The following NFIA variants were observed in gnomAD, a reference collection of about 807,000 sequenced individuals.
The protein encoded by NFIA is nuclear factor I A.
In NFIA, 8 loss-of-function variants were observed where a neutral mutation model predicts 62.8. The ratio of observed to expected loss-of-function variants is 0.13; its 90% confidence interval spans 0.07 to 0.23. The LOEUF is 0.23. NFIA is among the 10% of genes least tolerant of loss of function. The probability of loss-of-function intolerance (pLI) is 1.00; values close to 1 mark genes in which losing one functional copy is unlikely to be tolerated. For missense variants in NFIA, 410 were observed against 642.1 expected, an observed-to-expected ratio of 0.64 and a Z score of 3.91; for synonymous variants, 235 against 238.1, an observed-to-expected ratio of 0.99 and a Z score of 0.12.
At chr1:61,447,586 A>G (rs1202252043) in intron 10 of NFIA, among the ~76,000 whole-genome samples, 2 of 152,174 alleles carry the variant, frequency 1.3e-5, no homozygotes, top group Admixed American at 1.3e-4. Flanking sequence ...CATCATGACC[A>G]AATAGATAGG....
At chr1:61,241,203 T>C (rs778243766) in intron 2 of NFIA, among the ~76,000 whole-genome samples, 19 of 152,118 alleles carry the variant, frequency 1.2e-4, no homozygotes, top group Non-Finnish European at 2.5e-4. Context: ...TGCTTGGGAA[T>C]GTGTTGATGT....
chr1:61,393,391 C>A (rs1418042324), intron 7 of NFIA, among the ~76,000 whole-genome samples: 1 of 131,864 alleles, frequency 7.6e-6, no homozygotes, highest in Non-Finnish European at 1.6e-5. Context: ...GGCTAAATAT[C>A]CTCAGACTGT....
chr1:61,116,066 C>T (rs1427518519), intron 2 of NFIA, among the ~76,000 whole-genome samples: 3 of 148,854 alleles, frequency 2.0e-5, no homozygotes, highest in African/African-American at 5.0e-5. Context: ...TTTTCCTCCC[C>T]TGGGAGAGTT....
chr1:61,270,363 T>TACCATTTCATTCTCTTTTC (rs1657431898), intron 2 of NFIA, among the ~76,000 whole-genome samples: 1 of 152,050 alleles, frequency 6.6e-6, no homozygotes, highest in South Asian at 2.1e-4. Flanking sequence ...ACCATCTTTT[T>TACCATTTCATTCTCTTTTC]ACCATTTCAT....
intron 4 of NFIA, among the ~76,000 whole-genome samples, chr1:61,348,390 TA>T (rs1486373260): frequency 6.6e-6 from 1 of 152,254 alleles, no homozygotes; most frequent in Non-Finnish European, 1.5e-5. Flanking sequence ...AGTGATGTTT[TA>T]AAATTCAAGA....
chr1:61,413,294 T>G (rs996627181), intron 9 of NFIA, among the ~76,000 whole-genome samples: 9 of 152,196 alleles, frequency 5.9e-5, no homozygotes, highest in African/African-American at 2.2e-4. Context: ...TGACTGGGAT[T>G]TAAAATTTCT....
chr1:61,148,200 AGAAT>A (rs1387348101), intron 2 of NFIA, among the ~76,000 whole-genome samples: 1 of 152,156 alleles, frequency 6.6e-6, no homozygotes, highest in African/African-American at 2.4e-5. Flanking sequence ...CATGAATAGG[AGAAT>A]GAATGAGTGG....
chr1:61,192,756 A>G (rs563859112), intron 2 of NFIA, among the ~76,000 whole-genome samples: 4 of 152,040 alleles, frequency 2.6e-5, no homozygotes, highest in Non-Finnish European at 5.9e-5. Context: ...AGTTGTGTGT[A>G]TTTTCAGTCT....
In NFIA at chr1:61,088,800, G is replaced by C; in HGVS notation, c.559+120G>C. 2.5e-6 allele frequency: 3 copies of C among 1,190,098 alleles called. No homozygotes were observed. Among genetic ancestry groups the C allele is most frequent in the Non-Finnish European group, 3.5e-6 (3 of 857,734 alleles). 73.7% of individuals were successfully genotyped at this position (1,190,098 alleles called of 1,614,324 possible). A position where few individuals can be genotyped will look rare whatever the true frequency, so the allele number is the denominator to read the frequency against. Reference sequence around the variant, plus strand: ...GTTGCAGGCCACGTACATGAAGCCAGTGTGGTTTCAAAGATTGAGAGAGGT... The same window carrying C: ...GTTGCAGGCCACGTACATGAAGCCACTGTGGTTTCAAAGATTGAGAGAGGT... On this transcript the variant is annotated intron_variant, in intron 2 of 10. Transcript: ENST00000403491. This position sits in a 1 kb window ranked among gnomAD's most constrained non-coding sequence, Gnocchi z 4.5.
chr1:61,110,042 A>G (rs1314490334), intron 2 of NFIA, among the ~76,000 whole-genome samples: 1 of 151,916 alleles, frequency 6.6e-6, no homozygotes, highest in African/African-American at 2.4e-5. Flanking sequence ...GTTGAGAGAG[A>G]GTGAAAGAGA....
At position 61,406,515 on chromosome 1, in the gene NFIA, T is replaced by C. The variant is rs1197960453; in HGVS notation, c.1255-47T>C. 2.6e-6 allele frequency: 4 copies of C among 1,522,216 alleles called. No homozygotes were observed. In the Admixed American group the frequency reaches 5.5e-5, roughly 21 times the overall value. The allele number at this position is 1,522,216 out of a possible 1,614,324, so 94.3% of individuals were successfully genotyped here. ...AAGCAGCTAATGGTTGCTGTCTCTT[T>C]CTTCTTTTTCTTGTACGTGTGTTTT... On this transcript the variant is annotated intron_variant, in intron 8 of 10. Coordinates refer to ENST00000403491, the MANE Select transcript of NFIA (RefSeq NM_001134673.4).
Position 61,296,324 on chromosome 1 carries a change from T to C in NFIA, c.625+18739T>C, listed in dbSNP as rs72666604. 7.7e-3 allele frequency among the ~76,000 whole-genome samples: 1,171 copies of C among 152,348 alleles called. 7 individuals carry two copies. The highest frequency in any genetic ancestry group is 0.017 in the Middle Eastern group (5 of 294). ...AACTCCCTTGAATCTCCAGGCTTTT[T>C]TCTTATTTGCATTGAGTATGTTCTC... On this transcript the variant is annotated intron_variant, in intron 3 of 10. Coordinates refer to ENST00000403491, the MANE Select transcript of NFIA (RefSeq NM_001134673.4).
chr1:61,088,544 G>A lies in NFIA; in HGVS notation c.423G>A (p.Pro141=), dbSNP rs1047311810. ...LVMVILFKGI[P]LESTDGERLV... is the part of the protein sequence containing the mutation. ...TGGTGATTTTGTTTAAAGGTATTCC[G>A]CTGGAAAGTACTGATGGCGAGCGCC... The change falls in exon 2 of 11, where the codon CCG becomes CCA. Residue 141 remains proline, a synonymous_variant. Transcript: ENST00000403491. This position sits in a 1 kb window ranked among gnomAD's most constrained non-coding sequence, Gnocchi z 4.5. 6.8e-6 allele frequency: 11 copies of A among 1,613,982 alleles called. No homozygotes were observed. The highest frequency in any genetic ancestry group is 1.7e-5 in the Admixed American group (1 of 59,984).
In NFIA at chr1:61,461,069, C is replaced by T. The variant is rs971507103; in HGVS notation, c.*5749C>T. 1 of 152,072 alleles carries T rather than the reference C, an allele frequency of 6.6e-6. No homozygotes were observed. The highest frequency in any genetic ancestry group is 1.5e-5 in the Non-Finnish European group (1 of 68,018). The allele number at this position is 152,072 out of a possible 1,614,324, so 9.4% of individuals were successfully genotyped here. On this transcript the variant is annotated 3_prime_UTR_variant, in exon 11 of 11. Coordinates refer to ENST00000403491, the MANE Select transcript of NFIA (RefSeq NM_001134673.4). ...AGCATGGGTGTTTGATTTCAGAAAT[C>T]AGTACCTGGCGAGATTTTTGTCTCA...
chr1:61,332,395 C>T (rs1661343291), intron 3 of NFIA, 117 bp from the exon 4 acceptor site: 2 of 915,850 alleles, frequency 2.2e-6, no homozygotes, highest in East Asian at 5.1e-5. Context: ...CCAAGGAGAG[C>T]AGAGAATGAG....
intron 2 of NFIA, among the ~76,000 whole-genome samples, chr1:61,262,714 A>G (rs1223407632): frequency 6.6e-6 from 1 of 152,234 alleles, no homozygotes; most frequent in African/African-American, 2.4e-5. Flanking sequence ...AAACACACTC[A>G]GTGATTTTTT....
intron 9 of NFIA, among the ~76,000 whole-genome samples, chr1:61,419,516 A>G (rs566904342): frequency 6.6e-6 from 1 of 152,312 alleles, no homozygotes; most frequent in African/African-American, 2.4e-5. Flanking sequence ...TTTTGGTAAC[A>G]TAAGGTCAAA....
At chr1:61,158,385 A>G (rs1249701273) in intron 2 of NFIA, among the ~76,000 whole-genome samples, 1 of 152,210 alleles carries the variant, frequency 6.6e-6, no homozygotes, top group East Asian at 1.9e-4. Context: ...TTGGAATCCT[A>G]CTACCCTGAT....
intron 3 of NFIA, among the ~76,000 whole-genome samples, chr1:61,312,852 A>C (rs569841180): frequency 1.9e-4 from 29 of 152,240 alleles, no homozygotes; most frequent in African/African-American, 7.0e-4. Context: ...TATTCTATTC[A>C]GAATCTCATT....
Sources: gnomAD v4.1 joint callset for allele counts (sites outside exome capture counted in the v4.1 genomes callset) on GRCh38, gnomAD v4.1.1 for gene constraint, Gnocchi (gnomAD v3.1) non-coding constraint, MANE v1.5 for transcripts, NCBI Gene and HGNC (gene_info 2026-07-23, HGNC 2026-07-21) for gene names.